MAOB: variants seen among roughly 807,000 people sequenced by gnomAD.
MAOB encodes amine oxidase [flavin-containing] B.
In MAOB, 15 loss-of-function variants were observed where a neutral mutation model predicts 41.9. The observed-to-expected ratio is 0.36, with a 90% CI of 0.24 to 0.55. MAOB has a LOEUF of 0.55. Among genes scored for constraint, MAOB ranks in the 20% least tolerant of loss-of-function variants. MAOB has a pLI of 0.86. For missense variants in MAOB, 345 were observed against 398.7 expected, an observed-to-expected ratio of 0.87 and a Z score of 1.15; for synonymous variants, 167 against 144.2, an observed-to-expected ratio of 1.16 and a Z score of -1.13.
rs1363390017 is a variant in MAOB, at chrX:43,802,234, G to A, written c.414C>T (p.Pro138=). The A allele has an allele frequency of 8.3e-7, 1 of 1,204,108 alleles. No individual in the cohort carries two copies. Among genetic ancestry groups the A allele is most frequent in the African/African-American group, 1.7e-5 (1 of 57,308 alleles). The change falls in exon 5 of 15, where the codon CCC becomes CCT. Residue 138 remains proline, a synonymous_variant. Transcript: ENST00000378069. ...EIPSDAPWKA[P]LAEEWDNMTM... is the part of the protein sequence containing the mutation. ...TCATGTTGTCCCACTCTTCTGCAAGGGGAGCCTTCCATGGGGCATCACTCG... is the reference window on the plus strand; with the variant it reads ...TCATGTTGTCCCACTCTTCTGCAAGAGGAGCCTTCCATGGGGCATCACTCG...
intron 1 of MAOB, among the ~76,000 whole-genome samples, chrX:43,849,808 G>C (rs2035236838): frequency 1.8e-5 from 2 of 112,652 alleles, no homozygotes; most frequent in Admixed American, 9.4e-5. Context: ...TGATTACTGA[G>C]TAAATAAATA....
At chrX:43,834,996 T>C (rs1292437158) in intron 3 of MAOB, among the ~76,000 whole-genome samples, 1 of 111,982 alleles carries the variant, frequency 8.9e-6, no homozygotes, top group East Asian at 2.8e-4. Context: ...TCATGGGTGT[T>C]TTACCAGACT....
chrX:43,785,578 G>A (rs1055952234), intron 8 of MAOB, among the ~76,000 whole-genome samples: 1 of 112,799 alleles, frequency 8.9e-6, no homozygotes, highest in African/African-American at 3.2e-5. Flanking sequence ...AAGAGGCCTA[G>A]CTTTCAGCCT....
chrX:43,867,451 A>G (rs1164557965), intron 1 of MAOB, among the ~76,000 whole-genome samples: 6 of 112,586 alleles, frequency 5.3e-5, no homozygotes, highest in Non-Finnish European at 1.1e-4. Context: ...TAGTTAAATA[A>G]CAGTTTATAG....
At chrX:43,770,093 G>T (rs963825297) in intron 12 of MAOB, among the ~76,000 whole-genome samples, 1 of 111,205 alleles carries the variant, frequency 9.0e-6, no homozygotes, top group Non-Finnish European at 1.9e-5. Flanking sequence ...TGGGAGTGCT[G>T]CCAGAAGAGG....
chrX:43,882,123 C>T, intron 1 of MAOB, 131 bp downstream of exon 1: 1 of 1,077,982 alleles, frequency 9.3e-7, no homozygotes, highest in Non-Finnish European at 1.2e-6. Context: ...CCCACTAGAG[C>T]CCTGCCCGTG....
chrX:43,849,723 C>G (rs936729838), intron 1 of MAOB, among the ~76,000 whole-genome samples: 5 of 112,652 alleles, frequency 4.4e-5, no homozygotes, highest in Non-Finnish European at 9.4e-5. Flanking sequence ...TTTGTCTCCT[C>G]AATGCTAGTA....
intron 1 of MAOB, among the ~76,000 whole-genome samples, chrX:43,858,107 C>T (rs1265423899): frequency 1.8e-5 from 2 of 111,617 alleles, no homozygotes; most frequent in Non-Finnish European, 3.8e-5. Flanking sequence ...AAGATGGAGG[C>T]TCTTCCTATT....
At chrX:43,807,720 T>C (rs987520266) in intron 3 of MAOB, among the ~76,000 whole-genome samples, 14 of 112,348 alleles carry the variant, frequency 1.2e-4, no homozygotes, top group Non-Finnish European at 5.6e-5. Flanking sequence ...GGCTGGCATG[T>C]TGTAAGTTCT....
chrX:43,843,357 TCACACACACA>T (rs61018201), intron 2 of MAOB, among the ~76,000 whole-genome samples: 3,117 of 83,658 alleles, frequency 0.037, 147 homozygotes, highest in African/African-American at 0.11. Flanking sequence ...TCTCTCTGTC[TCACACACACA>T]CACACACACA....
At chrX:43,857,157 AG>A (rs1569230949) in intron 1 of MAOB, among the ~76,000 whole-genome samples, 28 of 60,428 alleles carry the variant, frequency 4.6e-4, no homozygotes, top group South Asian at 3.6e-3. Context: ...AGAGAGAGAG[AG>A]AGAGAGAAGA....
chrX:43,775,052 G>GTTT lies in MAOB; in HGVS notation c.1235+122_1235+123insAAA, dbSNP rs1467433800. On this transcript the variant is annotated intron_variant, in intron 12 of 14. Coordinates refer to ENST00000378069, the MANE Select transcript of MAOB (RefSeq NM_000898.5). ...ATTCATAAGATACAAAGGAAATTGG[G>GTTT]TTGTTTTTTTTTTTTTTTTTTGTAT... is the stretch of plus-strand genomic sequence containing the variant. 3.3e-4 allele frequency: 226 copies of GTTT among 693,995 alleles called. 1 individual carries two copies. In the African/African-American group the frequency reaches 5.8e-3, roughly 18 times the overall value. 57.2% of individuals were successfully genotyped at this position (693,995 alleles called of 1,213,427 possible). A position where few individuals can be genotyped will look rare whatever the true frequency, so the allele number is the denominator to read the frequency against.
chrX:43,800,598 T>C (rs1250434312), intron 5 of MAOB, among the ~76,000 whole-genome samples: 2 of 111,244 alleles, frequency 1.8e-5, no homozygotes, highest in Non-Finnish European at 3.8e-5. Flanking sequence ...AGATGTTTAT[T>C]ATAGAGTATT....
intron 1 of MAOB, among the ~76,000 whole-genome samples, chrX:43,854,848 A>G (rs1197371716): frequency 8.9e-6 from 1 of 111,949 alleles, no homozygotes; most frequent in Admixed American, 9.4e-5. Context: ...GCCATTGCCA[A>G]GATTATACAA....
intron 1 of MAOB, among the ~76,000 whole-genome samples, chrX:43,875,444 A>G (rs1009155215): frequency 8.9e-6 from 1 of 112,138 alleles, no homozygotes; most frequent in Non-Finnish European, 1.9e-5. Flanking sequence ...TGAATATTCA[A>G]AATCAGGAAG....
chrX:43,774,999 TGATTTCATTCATAAGATACAC>T (rs1182538600), intron 12 of MAOB, among the ~76,000 whole-genome samples, 155 bp downstream of exon 12: 1 of 110,040 alleles, frequency 9.1e-6, no homozygotes, highest in African/African-American at 3.3e-5. Flanking sequence ...ATAATTATAA[TGATTTCATTCATAAGATACAC>T]GATTTCATTC....
intron 1 of MAOB, among the ~76,000 whole-genome samples, chrX:43,865,191 C>T (rs1356484849): frequency 8.9e-6 from 1 of 112,083 alleles, no homozygotes; most frequent in African/African-American, 3.2e-5. Flanking sequence ...TTATGGCACA[C>T]CCATATTATA....
intron 1 of MAOB, among the ~76,000 whole-genome samples, chrX:43,861,642 A>G (rs2035332937): frequency 9.0e-6 from 1 of 111,620 alleles, no homozygotes; most frequent in African/African-American, 3.3e-5. Flanking sequence ...TCAGAAAACT[A>G]AAATGCTTCC....
At chrX:43,775,069 T>C in intron 12 of MAOB, 106 bp downstream of exon 12, 1 of 893,957 alleles carries the variant, frequency 1.1e-6, no homozygotes, top group Non-Finnish European at 1.4e-6. Context: ...TTTTTTTTTT[T>C]TTTTGTATTT....
Sources: allele counts gnomAD v4.1 joint callset (sites outside exome capture counted in the v4.1 genomes callset), GRCh38; gene constraint gnomAD v4.1.1; transcripts MANE v1.5; gene names NCBI Gene and HGNC (gene_info 2026-07-23, HGNC 2026-07-21).